The following TEC variants were observed in gnomAD, a reference collection of about 807,000 sequenced individuals.
The protein encoded by TEC is tyrosine-protein kinase Tec.
TEC carries 72 observed loss-of-function variants against 93.0 expected under a neutral mutation model. The ratio of observed to expected loss-of-function variants is 0.77; its 90% confidence interval spans 0.64 to 0.94. The LOEUF (loss-of-function observed/expected upper bound fraction) is 0.94, where lower values mean the gene tolerates loss of function less well. Ranked by LOEUF, TEC falls within the 40% of genes least tolerant of loss-of-function variation. The pLI is 0.00. For synonymous variants in TEC, 249 were observed against 247.7 expected (o/e 1.01, Z -0.05); for missense variants, 630 against 757.9 (o/e 0.83, Z 1.98).
intron 9 of TEC, among the ~76,000 whole-genome samples, chr4:48,152,148 G>A (rs189787755): frequency 3.3e-5 from 5 of 152,220 alleles, no homozygotes; most frequent in Non-Finnish European, 7.3e-5. Context: ...AACAGAGGCC[G>A]GACACAGCGG....
At chr4:48,269,003 T>G (rs1290006664) in intron 1 of TEC, among the ~76,000 whole-genome samples, 1 of 151,888 alleles carries the variant, frequency 6.6e-6, no homozygotes, top group Admixed American at 6.6e-5. Context: ...ATTAGGAAAG[T>G]GTACACTCCC....
intron 2 of TEC, among the ~76,000 whole-genome samples, chr4:48,177,609 G>A (rs915224704): frequency 7.9e-5 from 12 of 152,074 alleles, no homozygotes; most frequent in African/African-American, 2.9e-4. Context: ...TCTCCCCAGT[G>A]CATATTTATA....
intron 8 of TEC, among the ~76,000 whole-genome samples, chr4:48,160,427 A>G (rs1438950905): frequency 6.6e-6 from 1 of 152,032 alleles, no homozygotes; most frequent in Non-Finnish European, 1.5e-5. Context: ...GGGCCCAACA[A>G]TTGAAAGAAA....
At chr4:48,243,845 A>C (rs1221146579) in intron 1 of TEC, among the ~76,000 whole-genome samples, 2 of 152,118 alleles carry the variant, frequency 1.3e-5, no homozygotes, top group Non-Finnish European at 2.9e-5. Flanking sequence ...GGGGAATAGA[A>C]TTAGGAGAAA....
intron 9 of TEC, among the ~76,000 whole-genome samples, chr4:48,154,531 A>G (rs1430543844): frequency 6.6e-6 from 1 of 152,234 alleles, no homozygotes; most frequent in Admixed American, 6.5e-5. Context: ...TAAAGAAAGG[A>G]AGATGAGTTT....
At chr4:48,260,738 C>A (rs1190641467) in intron 1 of TEC, among the ~76,000 whole-genome samples, 9 of 152,208 alleles carry the variant, frequency 5.9e-5, no homozygotes, top group African/African-American at 2.2e-4. Context: ...CATAAAGTAA[C>A]TACCTGTGTA....
chr4:48,206,730 C>T (rs67488080), intron 2 of TEC, among the ~76,000 whole-genome samples: 4,138 of 146,134 alleles, frequency 0.028, 77 homozygotes, highest in Non-Finnish European at 0.039. Flanking sequence ...TGCTTGAGCC[C>T]AGTAGTTCAA....
At chr4:48,209,680 GA>G (rs1179145513) in intron 2 of TEC, among the ~76,000 whole-genome samples, 1 of 152,034 alleles carries the variant, frequency 6.6e-6, no homozygotes, top group East Asian at 1.9e-4. Flanking sequence ...ATATCATGGG[GA>G]AAAAAACCTA....
chr4:48,266,573 C>G (rs1417099264), intron 1 of TEC, among the ~76,000 whole-genome samples: 2 of 152,172 alleles, frequency 1.3e-5, no homozygotes, highest in African/African-American at 4.8e-5. Context: ...TATGTTTGGT[C>G]ACGCCTGTAA....
At chr4:48,190,963 A>G (rs945053383) in intron 2 of TEC, among the ~76,000 whole-genome samples, 6 of 152,198 alleles carry the variant, frequency 3.9e-5, no homozygotes, top group Non-Finnish European at 2.9e-5. Context: ...TTTATTGAAC[A>G]TGCCACAATA....
At chr4:48,141,219 A>G (rs1719647448) in intron 15 of TEC, 136 bp downstream of exon 15, 1 of 727,934 alleles carries the variant, frequency 1.4e-6, no homozygotes, top group Non-Finnish European at 2.3e-6. Context: ...CTACCATCAC[A>G]ATATATACTT....
At chr4:48,203,014 G>A (rs1252816869) in intron 2 of TEC, among the ~76,000 whole-genome samples, 1 of 152,190 alleles carries the variant, frequency 6.6e-6, no homozygotes. Flanking sequence ...AAGGCGAGGT[G>A]AGTTCCTTTT....
rs116835853 is a variant in TEC, at chr4:48,160,971, C to T, written c.737+2731G>A. 1.5e-3 allele frequency among the ~76,000 whole-genome samples: 228 copies of T among 151,518 alleles called. 1 individual carries two copies. The highest frequency in any genetic ancestry group is 5.4e-3 in the African/African-American group (222 of 41,354). ...AATACCTTTTGATGAAGGAACTATA[C>T]ATCTAGAAATTAGGCCCTGAATTTG... On this transcript the variant is annotated intron_variant, in intron 8 of 17. Coordinates refer to ENST00000381501, the MANE Select transcript of TEC (RefSeq NM_003215.3).
At chr4:48,229,280 T>A (rs1199442394) in intron 1 of TEC, among the ~76,000 whole-genome samples, 1 of 152,208 alleles carries the variant, frequency 6.6e-6, no homozygotes, top group Non-Finnish European at 1.5e-5. Flanking sequence ...AACCTACCAG[T>A]CATAGTTAAC....
chr4:48,234,717 T>C (rs534058455), intron 1 of TEC, among the ~76,000 whole-genome samples: 13 of 152,278 alleles, frequency 8.5e-5, no homozygotes, highest in African/African-American at 3.1e-4. Flanking sequence ...TTACTACCAA[T>C]ATAAATACAT....
intron 2 of TEC, among the ~76,000 whole-genome samples, chr4:48,196,471 C>A (rs1442062237): frequency 6.6e-6 from 1 of 152,156 alleles, no homozygotes; most frequent in Non-Finnish European, 1.5e-5. Flanking sequence ...TTCGAAGAGT[C>A]AATTCATGTA....
intron 1 of TEC, among the ~76,000 whole-genome samples, chr4:48,269,387 G>A (rs1287228776): frequency 6.6e-6 from 1 of 152,254 alleles, no homozygotes; most frequent in African/African-American, 2.4e-5. Context: ...AGCCCTGCTC[G>A]CCGCTGGGAC....
At chr4:48,177,632 T>C (rs978094101) in intron 2 of TEC, among the ~76,000 whole-genome samples, 1 of 152,116 alleles carries the variant, frequency 6.6e-6, no homozygotes, top group African/African-American at 2.4e-5. Flanking sequence ...CCCCAACATA[T>C]GCACACACTA....
intron 2 of TEC, among the ~76,000 whole-genome samples, chr4:48,185,176 G>C (rs1477545948): frequency 6.6e-6 from 1 of 152,150 alleles, no homozygotes; most frequent in African/African-American, 2.4e-5. Context: ...AAAGACTAAA[G>C]AGTTCCAGTC....
Sources: gnomAD v4.1 joint callset for allele counts (sites outside exome capture counted in the v4.1 genomes callset) on GRCh38, gnomAD v4.1.1 for gene constraint, MANE v1.5 for transcripts, NCBI Gene and HGNC (gene_info 2026-07-23, HGNC 2026-07-21) for gene names.